Variants in TPCN1 observed in about 807,000 individuals in gnomAD.
TPCN1 encodes the protein two pore segment channel 1.
A neutral mutation model predicts 108.8 loss-of-function variants in TPCN1; 52 were observed. The ratio of observed to expected loss-of-function variants is 0.48; its 90% CI spans 0.38 to 0.60. The LOEUF (loss-of-function observed/expected upper bound fraction) is 0.60, where lower values mean the gene tolerates loss of function less well. TPCN1 is among the 20% of genes least tolerant of loss of function. The pLI is 0.00. For synonymous variants in TPCN1, 446 were observed against 433.7 expected (o/e 1.03, Z -0.35); for missense variants, 806 against 1,072.8 (o/e 0.75, Z 3.47).
chr12:113,293,758 G>A (rs1369643143), intron 27 of TPCN1, among the ~76,000 whole-genome samples: 2 of 152,318 alleles, frequency 1.3e-5, no homozygotes. Flanking sequence ...TCCAGGATGT[G>A]CCTGTCCAAA....
At chr12:113,265,039 C>T (rs541534139) in intron 3 of TPCN1, among the ~76,000 whole-genome samples, 45 of 152,058 alleles carry the variant, frequency 3.0e-4, no homozygotes, top group Admixed American at 1.1e-3. Context: ...TTGGCCAGGC[C>T]GGCCTCGAAC....
chr12:113,271,886 C>A (rs1224553205), intron 7 of TPCN1, among the ~76,000 whole-genome samples: 1 of 152,188 alleles, frequency 6.6e-6, no homozygotes, highest in African/African-American at 2.4e-5. Flanking sequence ...ACACAAGAGT[C>A]ACAGGGCATA....
chr12:113,247,052 G>A (rs1275504954), intron 2 of TPCN1, among the ~76,000 whole-genome samples: 2 of 152,310 alleles, frequency 1.3e-5, no homozygotes, highest in Admixed American at 1.3e-4. Context: ...TAGAGCAGGT[G>A]GGTGTAAACA....
rs533422702 is a variant in TPCN1 at position 113,236,258 on chromosome 12, T to A, written c.112+9294T>A. 1.1e-3 allele frequency among the ~76,000 whole-genome samples: 161 copies of A among 152,288 alleles called. 2 individuals are homozygous for A. Among genetic ancestry groups the A allele is most frequent in the African/African-American group, 3.8e-3 (159 of 41,554 alleles). On this transcript the variant is annotated intron_variant, in intron 2 of 27. Transcript: ENST00000335509. ...TTGCCTGAACTGTGTTTTAAGAGGC[T>A]GCATAACCAAGCAGTTGCTGTGCAC...
rs1238839055 is a variant in TPCN1 at position 113,269,853 on chromosome 12, C to G, written c.748+8C>G. 1.2e-6 allele frequency: 2 copies of G among 1,613,606 alleles called. No individual in the cohort carries two copies. The highest frequency in any genetic ancestry group is 1.7e-6 in the Non-Finnish European group (2 of 1,179,856). On this transcript the variant is annotated splice_region_variant and intron_variant, in intron 7 of 27. Coordinates refer to ENST00000335509, the MANE Select transcript of TPCN1 (RefSeq NM_017901.6). The surrounding 1 kb of genome is among the most constrained non-coding windows in gnomAD (Gnocchi z 5.0). Reference sequence around the variant, plus strand: ...TCATCTTTGCCATCCTCGGTGAGTTCCCGCCTCTCAGGCCCAGGTGCGCTG... The same window carrying G: ...TCATCTTTGCCATCCTCGGTGAGTTGCCGCCTCTCAGGCCCAGGTGCGCTG...
chr12:113,293,540 C>T (rs145394783), intron 27 of TPCN1, among the ~76,000 whole-genome samples, 191 bp downstream of exon 27: 188 of 152,296 alleles, frequency 1.2e-3, no homozygotes, highest in Non-Finnish European at 2.3e-3. Context: ...TTGACTCGTG[C>T]CCAGCAGAGG....
In TPCN1 at chr12:113,285,870, G is replaced by A. The variant is rs761151152; in HGVS notation, c.1454-19G>A. The A allele has an allele frequency of 7.4e-6, 12 of 1,612,604 alleles. No homozygotes were observed. The East Asian group carries it at 2.5e-4, about 33-fold the overall frequency. On this transcript the variant is annotated intron_variant, in intron 17 of 27. Coordinates refer to ENST00000335509, the MANE Select transcript of TPCN1 (RefSeq NM_017901.6). ...AGGATGTGGCGGGGCTGCTGCCGAT[G>A]GATTCCTTCTGTCCACAGTCTATGG... is the stretch of plus-strand genomic sequence containing the variant.
In TPCN1 at chr12:113,281,364, T is replaced by C. The variant is rs569144551; in HGVS notation, c.1342+1169T>C. 7.2e-5 allele frequency among the ~76,000 whole-genome samples: 11 copies of C among 152,242 alleles called. No homozygotes were observed. In the South Asian group the frequency reaches 2.3e-3, roughly 32 times the overall value. On this transcript the variant is annotated intron_variant, in intron 15 of 27. Transcript: ENST00000335509. The stretch of plus-strand genomic sequence containing the variant: ...TAGATTCTCAATCTTAAAATCCAGG[T>C]TGTCTTTGAAGACAATCAGACACCA...
chr12:113,238,440 C>T (rs906931245), intron 2 of TPCN1, among the ~76,000 whole-genome samples: 4 of 152,130 alleles, frequency 2.6e-5, no homozygotes, highest in Admixed American at 6.5e-5. Context: ...TGCTCCTTGG[C>T]CTGGCAACAA....
Position 113,297,306 on chromosome 12 carries a change from C to T in TPCN1, c.*1230C>T, listed in dbSNP as rs2232520. ...GGTTCCGCTTCCCTGGGCCACAGAACGGAACACAGCATAGGTTCTGCAGCA... is the reference window on the plus strand; with the variant it reads ...GGTTCCGCTTCCCTGGGCCACAGAATGGAACACAGCATAGGTTCTGCAGCA... On this transcript the variant is annotated 3_prime_UTR_variant, in exon 28 of 28. Transcript: ENST00000335509. This position sits in a 1 kb window ranked among gnomAD's most constrained non-coding sequence, Gnocchi z 4.4. 548 of 156,096 alleles carry T rather than the reference C, an allele frequency of 3.5e-3. 1 individual carries two copies. The highest frequency in any genetic ancestry group is 5.2e-3 in the Non-Finnish European group (362 of 69,696). The allele number at this position is 156,096 out of a possible 1,614,324, so 9.7% of individuals were successfully genotyped here.
chr12:113,290,788 A>C (rs1956241818), intron 22 of TPCN1, among the ~76,000 whole-genome samples, 164 bp from the exon 23 acceptor site: 2 of 152,146 alleles, frequency 1.3e-5, no homozygotes, highest in East Asian at 1.9e-4. Flanking sequence ...CCAGCGCCCT[A>C]GGAGTGCCTT....
rs75502489 is a variant in TPCN1, at chr12:113,280,022, G to A, written c.1298-129G>A. The A allele has an allele frequency of 3.8e-5, 26 of 691,846 alleles. No individual in the cohort carries two copies. In the South Asian group the frequency reaches 4.5e-4, roughly 12 times the overall value. The allele number at this position is 691,846 out of a possible 1,614,324, so 42.9% of individuals were successfully genotyped here. A position where few individuals can be genotyped will look rare whatever the true frequency, so the allele number is the denominator to read the frequency against. On this transcript the variant is annotated intron_variant, in intron 14 of 27. Coordinates refer to ENST00000335509, the MANE Select transcript of TPCN1 (RefSeq NM_017901.6). Reference sequence around the variant, plus strand: ...TCTTCACCTCTGGGGTAAAGACCATGCTTACCTGCATGCACGAAGAGTGTG... The same window carrying A: ...TCTTCACCTCTGGGGTAAAGACCATACTTACCTGCATGCACGAAGAGTGTG...
chr12:113,253,607 G>C (rs919190368), intron 2 of TPCN1, among the ~76,000 whole-genome samples: 1 of 152,174 alleles, frequency 6.6e-6, no homozygotes, highest in Non-Finnish European at 1.5e-5. Flanking sequence ...TCTTCTGTCT[G>C]CACCAGCTGC....
rs771301864 is a variant in TPCN1, at chr12:113,292,989, C to A, written c.2169C>A (p.Val723=). 29 of 1,613,300 alleles carry A rather than the reference C, an allele frequency of 1.8e-5. No homozygotes were observed. Among genetic ancestry groups the A allele is most frequent in the Non-Finnish European group, 2.4e-5 (28 of 1,180,030 alleles). The change falls in exon 26 of 28, where the codon GTC becomes GTA. Residue 723 remains valine, a synonymous_variant. Transcript: ENST00000335509. ...TCTCCAAAGAAGAGCTGGTTGCCGTCCTGGAGCTCTACCGGGAGGCACGGG... is the reference window on the plus strand; with the variant it reads ...TCTCCAAAGAAGAGCTGGTTGCCGTACTGGAGCTCTACCGGGAGGCACGGG... The part of the protein sequence containing the change: ...KEISKEELVA[V]LELYREARGA...
chr12:113,273,133 G>T lies in TPCN1; in HGVS notation c.784-99G>T. The T allele has an allele frequency of 9.8e-7, 1 of 1,024,114 alleles. No homozygotes were observed. Among genetic ancestry groups the T allele is most frequent in the South Asian group, 1.3e-5 (1 of 78,322 alleles). 63.4% of individuals were successfully genotyped at this position (1,024,114 alleles called of 1,614,324 possible). A position where few individuals can be genotyped will look rare whatever the true frequency, so the allele number is the denominator to read the frequency against. ...GGGATTCCTTGAGAGATGCAAGAGCGGTCAAGGCAGGGCATGCCAGGTGGC... is the reference window on the plus strand; with the variant it reads ...GGGATTCCTTGAGAGATGCAAGAGCTGTCAAGGCAGGGCATGCCAGGTGGC... On this transcript the variant is annotated intron_variant, in intron 8 of 27. Coordinates refer to ENST00000335509, the MANE Select transcript of TPCN1 (RefSeq NM_017901.6). This position sits in a 1 kb window ranked among gnomAD's most constrained non-coding sequence, Gnocchi z 4.0.
intron 25 of TPCN1, 75 bp downstream of exon 25, chr12:113,292,033 G>A: frequency 7.6e-7 from 1 of 1,310,162 alleles, no homozygotes; most frequent in Non-Finnish European, 1.1e-6. Flanking sequence ...CTGGGTGGCT[G>A]TCCAGCCAGC....
intron 1 of TPCN1, among the ~76,000 whole-genome samples, chr12:113,222,930 A>C (rs193103960): frequency 6.6e-6 from 1 of 152,376 alleles, no homozygotes; most frequent in African/African-American, 2.4e-5. Flanking sequence ...GATAATTGTC[A>C]AAGCTGAGTA....
chr12:113,228,256 C>T (rs1416258868), intron 2 of TPCN1, among the ~76,000 whole-genome samples: 1 of 152,184 alleles, frequency 6.6e-6, no homozygotes, highest in East Asian at 1.9e-4. Flanking sequence ...TCTCCTCTTC[C>T]TTCTTTTACT....
rs1954460962 is a variant in TPCN1 at position 113,247,847 on chromosome 12, G to A, written c.113-12521G>A. Among the ~76,000 whole-genome samples, 3 of 152,188 alleles carry A rather than the reference G, an allele frequency of 2.0e-5. No individual in the cohort carries two copies. In the South Asian group the frequency reaches 6.2e-4, roughly 32 times the overall value. On this transcript the variant is annotated intron_variant, in intron 2 of 27. Coordinates refer to ENST00000335509, the MANE Select transcript of TPCN1 (RefSeq NM_017901.6). Reference sequence around the variant, plus strand: ...GGCCTTCCATCCCTCTCTCCGTGTGGAGAAATGAGCGATCATGCTTTGCCT... The same window carrying A: ...GGCCTTCCATCCCTCTCTCCGTGTGAAGAAATGAGCGATCATGCTTTGCCT...
Sources: gnomAD v4.1 joint callset for allele counts (sites outside exome capture counted in the v4.1 genomes callset) on GRCh38, gnomAD v4.1.1 for gene constraint, Gnocchi (gnomAD v3.1) non-coding constraint, MANE v1.5 for transcripts, NCBI Gene and HGNC (gene_info 2026-07-23, HGNC 2026-07-21) for gene names.